Variants in ACAP2 observed in about 807,000 individuals in gnomAD.
ACAP2 encodes arf-GAP with coiled-coil, ANK repeat and PH domain-containing protein 2.
In ACAP2, 39 loss-of-function variants were observed where a neutral mutation model predicts 115.8. The ratio of observed to expected loss-of-function variants is 0.34; its 90% confidence interval spans 0.26 to 0.44. The LOEUF is 0.44. Ranked by LOEUF, ACAP2 falls within the 20% of genes least tolerant of loss-of-function variation. The probability of loss-of-function intolerance (pLI) is 1.00; values close to 1 mark genes in which losing one functional copy is unlikely to be tolerated. For missense variants in ACAP2, 662 were observed against 927.6 expected (o/e 0.71, Z 3.72); for synonymous variants, 289 against 315.8 (o/e 0.92, Z 0.90).
intron 20 of ACAP2, 67 bp from the exon 21 acceptor site, chr3:195,289,298 A>AC: frequency 1.9e-6 from 2 of 1,056,520 alleles, no homozygotes; most frequent in Non-Finnish European, 2.8e-6. Flanking sequence ...TCACCTTAAA[A>AC]AAAAAAAGTA....
intron 9 of ACAP2, 135 bp from the exon 10 acceptor site, chr3:195,320,948 A>G: frequency 1.8e-6 from 1 of 543,544 alleles, no homozygotes; most frequent in Non-Finnish European, 3.3e-6. Context: ...AATAAGAAAA[A>G]TGAAGGGGGA....
rs112738425 is a variant in ACAP2 at position 195,425,447 on chromosome 3, A to G, written c.53+17348T>C. On this transcript the variant is annotated intron_variant, in intron 1 of 22. Transcript: ENST00000326793. ...TTTTAAGAAAGTACTTATTGGTAGTAAAAGCCTGTTGCCTATCTACTGTGT... is the reference window on the plus strand; with the variant it reads ...TTTTAAGAAAGTACTTATTGGTAGTGAAAGCCTGTTGCCTATCTACTGTGT... Among the ~76,000 whole-genome samples, 32 of 152,324 alleles carry G rather than the reference A, an allele frequency of 2.1e-4. 1 individual carries two copies. The highest frequency in any genetic ancestry group is 7.7e-4 in the African/African-American group (32 of 41,572).
chr3:195,391,894 C>T (rs1053270133), intron 2 of ACAP2, among the ~76,000 whole-genome samples, 196 bp downstream of exon 2: 8 of 152,010 alleles, frequency 5.3e-5, no homozygotes, highest in African/African-American at 1.9e-4. Context: ...ACTTGGGAGG[C>T]TGAGGCAGGA....
chr3:195,326,428 C>T lies in ACAP2; in HGVS notation c.744+457G>A, dbSNP rs1302810011. 2.0e-5 allele frequency: 3 copies of T among 153,070 alleles called. No individual in the cohort carries two copies. In the East Asian group the frequency reaches 5.7e-4, roughly 29 times the overall value. 9.5% of individuals were successfully genotyped at this position (153,070 alleles called of 1,614,324 possible). ...CAATGCAAGTGAAGTTTTAGCATCT[C>T]GTGACAGAGAGGAAAGGCTGCCTTG... On this transcript the variant is annotated intron_variant, in intron 9 of 22. Coordinates refer to ENST00000326793, the MANE Select transcript of ACAP2 (RefSeq NM_012287.6).
In ACAP2 at chr3:195,377,136, A is replaced by ATTTTTTTTTT. The variant is rs1478091442; in HGVS notation, c.285+3872_285+3873insAAAAAAAAAA. Among the ~76,000 whole-genome samples, 34 of 89,716 alleles carry ATTTTTTTTTT rather than the reference A, an allele frequency of 3.8e-4. No individual in the cohort carries two copies. In the East Asian group the frequency reaches 7.6e-3, roughly 20 times the overall value. 58.9% of individuals were successfully genotyped at this position (89,716 alleles called of 152,430 possible). A position where few individuals can be genotyped will look rare whatever the true frequency, so the allele number is the denominator to read the frequency against. ...TTCATTTTACAGAGGAGGAATGTAA[A>ATTTTTTTTTT]TCTTTTTTTTTTTTTTTTTTTTTTT... On this transcript the variant is annotated intron_variant, in intron 4 of 22. Coordinates refer to ENST00000326793, the MANE Select transcript of ACAP2 (RefSeq NM_012287.6).
chr3:195,424,352 T>C (rs1445760276), intron 1 of ACAP2, among the ~76,000 whole-genome samples: 13 of 137,560 alleles, frequency 9.5e-5, no homozygotes, highest in Non-Finnish European at 1.4e-4. Flanking sequence ...TGGAGTGCAG[T>C]GGCGTGATCT....
intron 1 of ACAP2, among the ~76,000 whole-genome samples, chr3:195,401,359 CAT>C (rs1712275734): frequency 6.6e-6 from 1 of 152,178 alleles, no homozygotes; most frequent in Non-Finnish European, 1.5e-5. Flanking sequence ...CATGATATCA[CAT>C]GTGTATATTA....
chr3:195,336,568 CA>C (rs1446453352), intron 7 of ACAP2: 1 of 163,286 alleles, frequency 6.1e-6, no homozygotes, highest in Non-Finnish European at 1.3e-5. Context: ...TGATAACTTT[CA>C]AAACAAATTC....
At chr3:195,334,247 C>G (rs1452746940) in intron 7 of ACAP2, among the ~76,000 whole-genome samples, 1 of 147,468 alleles carries the variant, frequency 6.8e-6, no homozygotes, top group Non-Finnish European at 1.5e-5. Flanking sequence ...CATTAAAACA[C>G]AGAGGCAAAA....
rs190688055 is a variant in ACAP2, at chr3:195,321,188, C to T, written c.745-375G>A. On this transcript the variant is annotated intron_variant, in intron 9 of 22. Transcript: ENST00000326793. ...CAACTAAATACTACACAGGGTATGACGTTTAAAATTCTTTTGTTTTATCAC... is the reference window on the plus strand; with the variant it reads ...CAACTAAATACTACACAGGGTATGATGTTTAAAATTCTTTTGTTTTATCAC... 4.7e-5 allele frequency among the ~76,000 whole-genome samples: 7 copies of T among 147,944 alleles called. No homozygotes were observed. The East Asian group carries it at 1.2e-3, about 25-fold the overall frequency.
chr3:195,365,680 C>T (rs1418186698), intron 4 of ACAP2, among the ~76,000 whole-genome samples: 1 of 152,098 alleles, frequency 6.6e-6, no homozygotes, highest in Non-Finnish European at 1.5e-5. Flanking sequence ...AAGGGCAAGG[C>T]TATGGCTTGT....
At chr3:195,353,254 G>C (rs1003146252) in intron 4 of ACAP2, among the ~76,000 whole-genome samples, 1 of 152,100 alleles carries the variant, frequency 6.6e-6, no homozygotes, top group African/African-American at 2.4e-5. Context: ...TCCTGAGTCA[G>C]AGTCACCCAA....
chr3:195,366,292 T>C (rs1732719143), intron 4 of ACAP2, among the ~76,000 whole-genome samples: 1 of 152,228 alleles, frequency 6.6e-6, no homozygotes, highest in African/African-American at 2.4e-5. Flanking sequence ...CATAGGCTGC[T>C]TCTATATTTT....
In ACAP2 at chr3:195,308,931, A is replaced by G. The variant is rs970889446; in HGVS notation, c.858-94T>C. ...TATTTGAGAAAGCACTGGAAATCAC[A>G]TTGTGTTAATTATGTTTTGAGAAGT... is the stretch of plus-strand genomic sequence containing the variant. On this transcript the variant is annotated intron_variant, in intron 10 of 22. Transcript: ENST00000326793. The G allele has an allele frequency of 1.3e-5, 16 of 1,202,286 alleles. No homozygotes were observed. The Admixed American group carries it at 2.4e-4, about 18-fold the overall frequency. The allele number at this position is 1,202,286 out of a possible 1,614,324, so 74.5% of individuals were successfully genotyped here.
chr3:195,384,251 G>C (rs1387889845), intron 2 of ACAP2, among the ~76,000 whole-genome samples: 1 of 152,072 alleles, frequency 6.6e-6, no homozygotes, highest in Non-Finnish European at 1.5e-5. Context: ...AATAAATTAT[G>C]ATATAGCCAT....
At chr3:195,288,806 C>T (rs971391514) in intron 21 of ACAP2, among the ~76,000 whole-genome samples, 4 of 151,858 alleles carry the variant, frequency 2.6e-5, no homozygotes, top group African/African-American at 9.7e-5. Context: ...TGCAGGGAGC[C>T]GGTGCACTCC....
intron 4 of ACAP2, among the ~76,000 whole-genome samples, chr3:195,377,138 C>CTT (rs749352761): frequency 0.022 from 1,681 of 76,954 alleles, 109 homozygotes; most frequent in African/African-American, 0.068. Flanking sequence ...GAATGTAAAT[C>CTT]TTTTTTTTTT....
chr3:195,320,764 T>C lies in ACAP2; in HGVS notation c.794A>G (p.Asn265Ser), dbSNP rs1415745453. ...SKLEYNVDAA[N>S]GIVMEGYLFK... ...CAGATATCCTTCCATAACTATGCCA[T>C]TTGCAGCATCTACGTTATATTCTAA... Residue 265 changes from asparagine to serine, a missense_variant, in exon 10 of 23, where the codon AAT becomes AGT. Transcript: ENST00000326793. 1.9e-6 allele frequency: 3 copies of C among 1,613,656 alleles called. No homozygotes were observed. Among genetic ancestry groups the C allele is most frequent in the Non-Finnish European group, 2.5e-6 (3 of 1,179,712 alleles).
In ACAP2 at chr3:195,278,494, A is replaced by C. The variant is rs1468770215; in HGVS notation, c.*834T>G. On this transcript the variant is annotated 3_prime_UTR_variant, in exon 23 of 23. Coordinates refer to ENST00000326793, the MANE Select transcript of ACAP2 (RefSeq NM_012287.6). The stretch of plus-strand genomic sequence containing the variant: ...TTTCCTTTAAAGTTTTGATGAAGGC[A>C]TAATTTTGTGACATTCAAGTAACCT... 6.6e-6 allele frequency: 1 copy of C among 152,222 alleles called. No individual in the cohort carries two copies. Among genetic ancestry groups the C allele is most frequent in the Non-Finnish European group, 1.5e-5 (1 of 68,038 alleles). 9.4% of individuals were successfully genotyped at this position (152,222 alleles called of 1,614,324 possible).
Sources: gnomAD v4.1 joint callset for allele counts (sites outside exome capture counted in the v4.1 genomes callset) on GRCh38, gnomAD v4.1.1 for gene constraint, MANE v1.5 for transcripts, NCBI Gene and HGNC (gene_info 2026-07-23, HGNC 2026-07-21) for gene names.